Variants in YES1 observed in about 807,000 individuals in gnomAD.
YES1 encodes YES proto-oncogene 1, Src family tyrosine kinase.
In YES1, 39 loss-of-function variants were observed where a neutral mutation model predicts 70.4. The observed-to-expected ratio is 0.55, with a 90% CI of 0.43 to 0.72. YES1 has a LOEUF of 0.72. Ranked by LOEUF, YES1 falls within the 30% of genes least tolerant of loss-of-function variation. The probability of loss-of-function intolerance (pLI) is 0.00; values close to 1 mark genes in which losing one functional copy is unlikely to be tolerated. For missense variants in YES1, 495 were observed against 644.8 expected (o/e 0.77, Z 2.52); for synonymous variants, 198 against 218.6 (o/e 0.91, Z 0.83).
At chr18:792,172 T>G (rs9952996) in intron 1 of YES1, among the ~76,000 whole-genome samples, 5 of 151,780 alleles carry the variant, frequency 3.3e-5, no homozygotes, top group African/African-American at 4.8e-5. Flanking sequence ...AGTGTGGTGG[T>G]GCATGCCTGT....
chr18:737,861 G>C (rs1240377984), intron 9 of YES1, among the ~76,000 whole-genome samples: 1 of 152,110 alleles, frequency 6.6e-6, no homozygotes, highest in African/African-American at 2.4e-5. Context: ...CTGGGACTTA[G>C]GCATGCGACA....
chr18:809,165 C>T (rs548273254), intron 1 of YES1, among the ~76,000 whole-genome samples: 5 of 152,056 alleles, frequency 3.3e-5, no homozygotes, highest in East Asian at 3.9e-4. Flanking sequence ...ACATACAAGC[C>T]GAAGCGGATT....
At chr18:789,992 A>C (rs1055308518) in intron 1 of YES1, among the ~76,000 whole-genome samples, 1 of 152,130 alleles carries the variant, frequency 6.6e-6, no homozygotes, top group African/African-American at 2.4e-5. Flanking sequence ...AGGGAGGTTG[A>C]GGATGCAGTG....
rs2080418079 is a variant in YES1, at chr18:757,153, A to G, written c.-8-318T>C. Reference sequence around the variant, plus strand: ...GCCTAAATTTGAATCCTGGCTTCCTACTTAGTAGTGGAGTGATTTCAGGGT... The same window carrying G: ...GCCTAAATTTGAATCCTGGCTTCCTGCTTAGTAGTGGAGTGATTTCAGGGT... On this transcript the variant is annotated intron_variant, in intron 1 of 11. Transcript: ENST00000314574. Among the ~76,000 whole-genome samples the G allele has an allele frequency of 2.0e-5, 3 of 152,248 alleles. No homozygotes were observed. The South Asian group carries it at 6.2e-4, about 32-fold the overall frequency.
chr18:786,870 A>G (rs1905974974), intron 1 of YES1, among the ~76,000 whole-genome samples: 1 of 152,016 alleles, frequency 6.6e-6, no homozygotes. Flanking sequence ...AGAAACACAC[A>G]TATAACAAGG....
chr18:731,706 G>T (rs546131992), intron 11 of YES1, among the ~76,000 whole-genome samples: 1 of 152,074 alleles, frequency 6.6e-6, no homozygotes, highest in Admixed American at 6.6e-5. Flanking sequence ...GGTGGCTCAC[G>T]CCTGTAATCC....
chr18:736,972 GA>G lies in YES1; in HGVS notation c.1138-12del. 1 of 1,590,518 alleles carries G rather than the reference GA, an allele frequency of 6.3e-7. No homozygotes were observed. The highest frequency in any genetic ancestry group is 8.5e-7 in the Non-Finnish European group (1 of 1,173,656). ...CATACCATCAGCAATCTTGGAAAGA[GA>G]AAAACAAAAAACACAAGACATACGA... is the stretch of plus-strand genomic sequence containing the variant. On this transcript the variant is annotated splice_polypyrimidine_tract_variant and intron_variant, in intron 9 of 11. Coordinates refer to ENST00000314574, the MANE Select transcript of YES1 (RefSeq NM_005433.4).
chr18:783,039 CT>C (rs34760851), intron 1 of YES1, among the ~76,000 whole-genome samples: 26,285 of 147,810 alleles, frequency 0.18, 2,485 homozygotes, highest in East Asian at 0.32. Context: ...CAAAGGTTAA[CT>C]TTTTTTTTTT....
At chr18:812,026 GC>G in intron 1 of YES1, 87 bp downstream of exon 1, 1 of 145,412 alleles carries the variant, frequency 6.9e-6, no homozygotes, top group South Asian at 1.8e-4. Flanking sequence ...CGCGGCGGCG[GC>G]GGCGGCGGCG....
chr18:746,116 C>A, intron 4 of YES1, 65 bp from the exon 5 acceptor site: 1 of 1,194,404 alleles, frequency 8.4e-7, no homozygotes, highest in Non-Finnish European at 1.2e-6. Flanking sequence ...ACAGAAGTGT[C>A]AGTAAGAATG....
intron 2 of YES1, among the ~76,000 whole-genome samples, chr18:755,978 A>G (rs1014190714): frequency 6.6e-6 from 1 of 152,152 alleles, no homozygotes; most frequent in Non-Finnish European, 1.5e-5. Flanking sequence ...CTATTCTCTA[A>G]AAGGATATAA....
intron 2 of YES1, among the ~76,000 whole-genome samples, 197 bp from the exon 3 acceptor site, chr18:752,001 T>C (rs1056065798): frequency 1.3e-5 from 2 of 152,118 alleles, no homozygotes; most frequent in Admixed American, 6.5e-5. Flanking sequence ...TCTGGGACAA[T>C]AACTCAATAA....
In YES1 at chr18:793,024, A is replaced by G. The variant is rs180889591; in HGVS notation, c.-9+19090T>C. On this transcript the variant is annotated intron_variant, in intron 1 of 11. Transcript: ENST00000314574. ...AATAGAAAGAGTCTTAAGGTTCATTATAATTATTATTATTATTGGTTTTTT... is the reference window on the plus strand; with the variant it reads ...AATAGAAAGAGTCTTAAGGTTCATTGTAATTATTATTATTATTGGTTTTTT... Among the ~76,000 whole-genome samples the G allele has an allele frequency of 1.6e-3, 240 of 150,812 alleles. 1 individual carries two copies. The highest frequency in any genetic ancestry group is 2.6e-3 in the Non-Finnish European group (173 of 67,816).
At chr18:741,879 C>T (rs528202769) in intron 8 of YES1, among the ~76,000 whole-genome samples, 3 of 152,294 alleles carry the variant, frequency 2.0e-5, no homozygotes, top group East Asian at 3.9e-4. Flanking sequence ...GACATTCCTT[C>T]CAAAGAGCGC....
intron 11 of YES1, among the ~76,000 whole-genome samples, chr18:731,715 C>G (rs2080089193): frequency 6.6e-6 from 1 of 152,128 alleles, no homozygotes; most frequent in Non-Finnish European, 1.5e-5. Context: ...CGCCTGTAAT[C>G]CCAGCATTCT....
intron 2 of YES1, among the ~76,000 whole-genome samples, chr18:754,445 G>A (rs535761144): frequency 3.3e-5 from 5 of 152,032 alleles, no homozygotes; most frequent in Non-Finnish European, 7.4e-5. Flanking sequence ...GGTGGCTCAC[G>A]CATGTAATCC....
intron 1 of YES1, among the ~76,000 whole-genome samples, chr18:764,036 C>T (rs1302953036): frequency 6.6e-6 from 1 of 151,048 alleles, no homozygotes; most frequent in Non-Finnish European, 1.5e-5. Context: ...AGGAGAATGG[C>T]ATGAACCCGG....
chr18:765,334 G>A (rs1444832371), intron 1 of YES1, among the ~76,000 whole-genome samples: 4 of 143,294 alleles, frequency 2.8e-5, no homozygotes, highest in Non-Finnish European at 6.0e-5. Context: ...GAAGCAAACA[G>A]AGAAAATGTT....
chr18:726,174 C>G (rs1034438937), intron 11 of YES1, among the ~76,000 whole-genome samples: 18 of 152,222 alleles, frequency 1.2e-4, no homozygotes, highest in African/African-American at 3.6e-4. Context: ...GCCTGTAATC[C>G]CAGCACTTTG....
Sources: gnomAD v4.1 joint callset for allele counts (sites outside exome capture counted in the v4.1 genomes callset) on GRCh38, gnomAD v4.1.1 for gene constraint, MANE v1.5 for transcripts, NCBI Gene and HGNC (gene_info 2026-07-23, HGNC 2026-07-21) for gene names.